DOK5: variants seen among roughly 807,000 people sequenced by gnomAD.
DOK5 encodes the protein docking protein 5, also known as downstream of tyrosine kinase 5.
Under a neutral mutation model 43.3 loss-of-function variants are expected in DOK5, and 27 were observed. The ratio of observed to expected loss-of-function variants is 0.62; its 90% confidence interval spans 0.46 to 0.86. The LOEUF (loss-of-function observed/expected upper bound fraction) is 0.86. Ranked by LOEUF, DOK5 falls within the 40% of genes least tolerant of loss-of-function variation. The pLI, the probability that DOK5 is intolerant of heterozygous loss-of-function variation, is 0.00. For synonymous variants in DOK5, 146 were observed against 140.1 expected (o/e 1.04, Z -0.30); for missense variants, 373 against 392.9 (o/e 0.95, Z 0.43).
chr20:54,633,719 T>G (rs150848071), intron 6 of DOK5, among the ~76,000 whole-genome samples: 198 of 152,324 alleles, frequency 1.3e-3, no homozygotes, highest in African/African-American at 4.6e-3. Flanking sequence ...ACTTGAGTTA[T>G]TAATACTTTA....
At chr20:54,576,638 A>G (rs892925905) in intron 2 of DOK5, among the ~76,000 whole-genome samples, 1 of 152,118 alleles carries the variant, frequency 6.6e-6, no homozygotes, top group Non-Finnish European at 1.5e-5. Flanking sequence ...TCTTTACTAT[A>G]TGTGCTTTGC....
chr20:54,558,171 T>C (rs965174375), intron 2 of DOK5, among the ~76,000 whole-genome samples: 1 of 152,162 alleles, frequency 6.6e-6, no homozygotes, highest in Admixed American at 6.5e-5. Flanking sequence ...TGGGCAGTGA[T>C]GGAAGCAGAA....
rs562988896 is a variant in DOK5 at position 54,530,405 on chromosome 20, AC to A, written c.67-24525del. Among the ~76,000 whole-genome samples the A allele has an allele frequency of 5.8e-4, 89 of 152,242 alleles. 2 individuals carry two copies. The South Asian group carries it at 0.013, about 23-fold the overall frequency. On this transcript the variant is annotated intron_variant, in intron 1 of 7. Coordinates refer to ENST00000262593, the MANE Select transcript of DOK5 (RefSeq NM_018431.5). Reference sequence around the variant, plus strand: ...TAGAGAGTCTACATTGAGGCAGCCAACCCTACCCTTGTCTTGATCTACGGAA... The same window carrying A: ...TAGAGAGTCTACATTGAGGCAGCCAACCTACCCTTGTCTTGATCTACGGAA...
At chr20:54,564,709 C>T (rs934438347) in intron 2 of DOK5, among the ~76,000 whole-genome samples, 5 of 152,162 alleles carry the variant, frequency 3.3e-5, no homozygotes, top group African/African-American at 9.7e-5. Context: ...GTAACATCTA[C>T]GGGGGCAGGA....
chr20:54,606,754 A>G (rs1986481997), intron 5 of DOK5, among the ~76,000 whole-genome samples: 1 of 152,170 alleles, frequency 6.6e-6, no homozygotes, highest in African/African-American at 2.4e-5. Flanking sequence ...TAGAGTATAG[A>G]AGAGACCTGA....
At chr20:54,481,166 CTA>C (rs1568746601) in intron 1 of DOK5, among the ~76,000 whole-genome samples, 4 of 151,430 alleles carry the variant, frequency 2.6e-5, no homozygotes, top group African/African-American at 9.7e-5. Context: ...ATCTATCTAT[CTA>C]TCTATCTATC....
chr20:54,495,588 A>T (rs954962983), intron 1 of DOK5, among the ~76,000 whole-genome samples: 2 of 152,234 alleles, frequency 1.3e-5, no homozygotes, highest in Middle Eastern at 6.3e-3. Context: ...TTTGAGATTG[A>T]TTAAAGATTT....
intron 1 of DOK5, among the ~76,000 whole-genome samples, chr20:54,514,297 G>T (rs1983117159): frequency 6.6e-6 from 1 of 152,108 alleles, no homozygotes; most frequent in African/African-American, 2.4e-5. Flanking sequence ...AGCACTATAT[G>T]TACTAAGCGT....
At chr20:54,507,073 G>A (rs1353928306) in intron 1 of DOK5, among the ~76,000 whole-genome samples, 2 of 152,100 alleles carry the variant, frequency 1.3e-5, no homozygotes, top group African/African-American at 4.8e-5. Context: ...TAACATAAAG[G>A]ATTCTATAAA....
At chr20:54,477,917 T>G (rs776100272) in intron 1 of DOK5, among the ~76,000 whole-genome samples, 5 of 152,242 alleles carry the variant, frequency 3.3e-5, no homozygotes, top group Non-Finnish European at 5.9e-5. Context: ...TGACACAACA[T>G]AGCCCTATGT....
At chr20:54,616,770 C>CT (rs768379251) in intron 6 of DOK5, among the ~76,000 whole-genome samples, 46,772 of 120,338 alleles carry the variant, frequency 0.39, 10,151 homozygotes, top group African/African-American at 0.6. Flanking sequence ...GATCCACTTT[C>CT]TTTTTTTTTT....
chr20:54,624,670 T>C lies in DOK5; in HGVS notation c.735+14147T>C, dbSNP rs80019174. ...GTATAGGTGGGGGAGAGAATTTTTTTAGTAAGGAGGCAGAAAAAGTTACCG... is the reference window on the plus strand; with the variant it reads ...GTATAGGTGGGGGAGAGAATTTTTTCAGTAAGGAGGCAGAAAAAGTTACCG... On this transcript the variant is annotated intron_variant, in intron 6 of 7. Transcript: ENST00000262593. 8.9e-4 allele frequency among the ~76,000 whole-genome samples: 136 copies of C among 152,092 alleles called. No individual in the cohort carries two copies. In the East Asian group the frequency reaches 0.022, roughly 25 times the overall value.
intron 7 of DOK5, among the ~76,000 whole-genome samples, chr20:54,649,614 G>T (rs1394486210): frequency 6.6e-6 from 1 of 152,100 alleles, no homozygotes. Context: ...CTTTGCTTGC[G>T]GTAACCGTTG....
intron 1 of DOK5, among the ~76,000 whole-genome samples, chr20:54,495,477 AT>A (rs1173602813): frequency 6.6e-6 from 1 of 152,160 alleles, no homozygotes; most frequent in Non-Finnish European, 1.5e-5. Context: ...TTTTATTTTA[AT>A]TTTTTCTCAT....
intron 2 of DOK5, among the ~76,000 whole-genome samples, chr20:54,572,280 C>A (rs960017506): frequency 3.3e-5 from 5 of 152,042 alleles, no homozygotes; most frequent in African/African-American, 1.2e-4. Context: ...CCTGCCTCAG[C>A]CTCCCGTGTA....
intron 1 of DOK5, among the ~76,000 whole-genome samples, chr20:54,500,857 C>T (rs1246125925): frequency 2.0e-5 from 3 of 152,014 alleles, no homozygotes; most frequent in African/African-American, 7.2e-5. Context: ...CAACCGCACC[C>T]GGCCGTGTAT....
chr20:54,553,248 T>C (rs1984590127), intron 1 of DOK5, among the ~76,000 whole-genome samples: 1 of 152,142 alleles, frequency 6.6e-6, no homozygotes, highest in Non-Finnish European at 1.5e-5. Flanking sequence ...CAGGCTGGAG[T>C]GCAGTGGCGC....
intron 1 of DOK5, among the ~76,000 whole-genome samples, chr20:54,506,383 A>G (rs1408476146): frequency 6.6e-6 from 1 of 152,198 alleles, no homozygotes; most frequent in Non-Finnish European, 1.5e-5. Flanking sequence ...TAAATTTTCA[A>G]TACATGTTGG....
At chr20:54,506,878 G>C (rs1982824662) in intron 1 of DOK5, among the ~76,000 whole-genome samples, 2 of 150,062 alleles carry the variant, frequency 1.3e-5, no homozygotes, top group South Asian at 4.2e-4. Flanking sequence ...CGAGGTCACT[G>C]CTCTGAAGCA....
Sources: gnomAD v4.1 joint callset for allele counts (sites outside exome capture counted in the v4.1 genomes callset) on GRCh38, gnomAD v4.1.1 for gene constraint, MANE v1.5 for transcripts, NCBI Gene and HGNC (gene_info 2026-07-23, HGNC 2026-07-21) for gene names.